Variants in RBFOX1 observed in about 807,000 individuals in gnomAD.
The protein encoded by RBFOX1 is RNA binding fox-1 homolog 1, also known as RNA binding protein fox-1 homolog 1.
In RBFOX1, 8 loss-of-function variants were observed where a neutral mutation model predicts 57.7. The ratio of observed to expected loss-of-function variants is 0.14; its 90% CI spans 0.08 to 0.25. The LOEUF is 0.25. Among genes scored for constraint, RBFOX1 ranks in the 10% least tolerant of loss-of-function variants. The pLI is 1.00. For synonymous variants in RBFOX1, 326 were observed against 222.4 expected, an observed-to-expected ratio of 1.47 and a Z score of -4.15; for missense variants, 611 against 548.5, an observed-to-expected ratio of 1.11 and a Z score of -1.14.
chr16:5,743,100 C>T (rs1439262207), intron 3 of RBFOX1, among the ~76,000 whole-genome samples: 1 of 152,156 alleles, frequency 6.6e-6, no homozygotes, highest in Non-Finnish European at 1.5e-5. Context: ...TTCTCACAAT[C>T]ACACTAACGG....
At chr16:7,208,997 C>A (rs918881625) in intron 4 of RBFOX1, among the ~76,000 whole-genome samples, 2 of 151,966 alleles carry the variant, frequency 1.3e-5, no homozygotes, top group Non-Finnish European at 2.9e-5. Context: ...ATGTCTGTGT[C>A]CAAAATTTCC....
intron 2 of RBFOX1, among the ~76,000 whole-genome samples, chr16:6,645,773 C>G (rs2098529173): frequency 6.6e-6 from 1 of 152,126 alleles, no homozygotes; most frequent in African/African-American, 2.4e-5. Flanking sequence ...TGATAACTTG[C>G]CATATGCTAA....
chr16:7,251,291 T>C (rs547279241), intron 4 of RBFOX1, among the ~76,000 whole-genome samples: 3 of 152,320 alleles, frequency 2.0e-5, no homozygotes, highest in Admixed American at 2.0e-4. Context: ...GTGTGGCTTA[T>C]TTCACTCAAC....
intron 2 of RBFOX1, among the ~76,000 whole-genome samples, chr16:5,553,206 A>C (rs556977171): frequency 3.3e-5 from 5 of 152,142 alleles, no homozygotes; most frequent in Non-Finnish European, 7.4e-5. Context: ...GGGGGCAGCA[A>C]ACCAACATGG....
intron 3 of RBFOX1, among the ~76,000 whole-genome samples, chr16:5,725,027 A>G (rs530224450): frequency 1.3e-5 from 2 of 152,188 alleles, no homozygotes; most frequent in South Asian, 4.1e-4. Flanking sequence ...GTGAAATCCA[A>G]TCCGATCAAC....
At chr16:6,960,815 C>A (rs12923923) in intron 3 of RBFOX1, among the ~76,000 whole-genome samples, 92,414 of 151,378 alleles carry the variant, frequency 0.61, 28,338 homozygotes, top group Non-Finnish European at 0.63. Context: ...GGTTGGGTAC[C>A]TGACCCAAAC....
chr16:6,951,030 C>A (rs1193676584), intron 3 of RBFOX1, among the ~76,000 whole-genome samples: 1 of 151,972 alleles, frequency 6.6e-6, no homozygotes, highest in South Asian at 2.1e-4. Flanking sequence ...CTCTGCCTCT[C>A]GAGTAGGTGG....
chr16:5,831,003 G>A (rs2056248653), intron 3 of RBFOX1, among the ~76,000 whole-genome samples: 1 of 152,072 alleles, frequency 6.6e-6, no homozygotes, highest in Admixed American at 6.5e-5. Flanking sequence ...AGCCCTTGTT[G>A]TCATGTAAAT....
intron 3 of RBFOX1, among the ~76,000 whole-genome samples, chr16:6,942,793 G>T (rs1295759531): frequency 6.6e-6 from 1 of 152,124 alleles, no homozygotes; most frequent in East Asian, 1.9e-4. Context: ...TTTATATATT[G>T]TCTCCAAGTC....
At chr16:5,945,721 C>G (rs1597900809) in intron 4 of RBFOX1, among the ~76,000 whole-genome samples, 1 of 152,212 alleles carries the variant, frequency 6.6e-6, no homozygotes, top group Non-Finnish European at 1.5e-5. Flanking sequence ...ATCTGCAAAC[C>G]TCCACTGTCC....
Position 6,887,350 on chromosome 16 carries a change from G to C in RBFOX1, c.-15-164707G>C, listed in dbSNP as rs115318003. On this transcript the variant is annotated intron_variant, in intron 3 of 15. Coordinates refer to ENST00000550418, the MANE Select transcript of RBFOX1 (RefSeq NM_018723.4). ...GATGGCATTGAGTAAAGTAAGTTGA[G>C]AAGTTGACAGTTCTCCCTGGCCTTA... Among the ~76,000 whole-genome samples the C allele has an allele frequency of 6.0e-3, 910 of 152,244 alleles. 13 individuals carry two copies. Among genetic ancestry groups the C allele is most frequent in the African/African-American group, 0.021 (859 of 41,534 alleles).
intron 3 of RBFOX1, among the ~76,000 whole-genome samples, chr16:6,901,631 T>A (rs914178794): frequency 6.6e-6 from 1 of 152,206 alleles, no homozygotes; most frequent in African/African-American, 2.4e-5. Flanking sequence ...GCAAAATCTG[T>A]TTCTGGTAAC....
chr16:5,677,223 C>G (rs915024150), intron 3 of RBFOX1, among the ~76,000 whole-genome samples: 4 of 152,214 alleles, frequency 2.6e-5, no homozygotes, highest in Non-Finnish European at 4.4e-5. Context: ...TACCAATTCT[C>G]TTGAGGCTGT....
At chr16:6,432,152 A>G (rs1397158196) in intron 2 of RBFOX1, among the ~76,000 whole-genome samples, 2 of 151,808 alleles carry the variant, frequency 1.3e-5, no homozygotes, top group East Asian at 3.9e-4. Context: ...AATTTTTTGT[A>G]AAGATGGGGG....
At chr16:6,832,817 C>T (rs976476873) in intron 3 of RBFOX1, among the ~76,000 whole-genome samples, 1 of 152,226 alleles carries the variant, frequency 6.6e-6, no homozygotes, top group Admixed American at 6.5e-5. Flanking sequence ...TGTTTTCATT[C>T]ATTTATTGAT....
intron 4 of RBFOX1, among the ~76,000 whole-genome samples, chr16:7,428,142 T>C (rs1015215663): frequency 2.6e-5 from 4 of 152,154 alleles, no homozygotes; most frequent in Non-Finnish European, 5.9e-5. Flanking sequence ...TGCTGTTATG[T>C]GATGGATGTA....
intron 1 of RBFOX1, among the ~76,000 whole-genome samples, chr16:6,208,045 T>TAC (rs1235122324): frequency 1.3e-4 from 20 of 152,200 alleles, no homozygotes; most frequent in East Asian, 1.2e-3. Context: ...TATATATGTG[T>TAC]ATATATATGT....
chr16:5,739,981 G>T (rs1431035230), intron 3 of RBFOX1, among the ~76,000 whole-genome samples: 1 of 152,242 alleles, frequency 6.6e-6, no homozygotes. Flanking sequence ...GGAGCCCTGG[G>T]GAGGGATCAG....
At chr16:6,713,003 T>G (rs1040576450) in intron 3 of RBFOX1, among the ~76,000 whole-genome samples, 2 of 148,786 alleles carry the variant, frequency 1.3e-5, no homozygotes, top group Admixed American at 6.8e-5. Flanking sequence ...CCTGCCGCCA[T>G]GTAAGACCTG....
Sources: allele counts gnomAD v4.1 joint callset (sites outside exome capture counted in the v4.1 genomes callset), GRCh38; gene constraint gnomAD v4.1.1; transcripts MANE v1.5; gene names NCBI Gene and HGNC (gene_info 2026-07-23, HGNC 2026-07-21).